Variants in PPP1R9A observed in about 807,000 individuals in gnomAD.
PPP1R9A encodes neurabin-1.
A neutral mutation model predicts 141.9 loss-of-function variants in PPP1R9A; 59 were observed. The ratio of observed to expected loss-of-function variants is 0.42; its 90% CI spans 0.34 to 0.52. The LOEUF is 0.52. PPP1R9A is among the 20% of genes least tolerant of loss of function. PPP1R9A has a pLI of 0.10. For missense variants in PPP1R9A, 1,444 were observed against 1,611.9 expected (o/e 0.90, Z 1.78); for synonymous variants, 500 against 569.7 (o/e 0.88, Z 1.74).
intron 2 of PPP1R9A, among the ~76,000 whole-genome samples, chr7:95,002,956 A>G (rs1803141652): frequency 6.6e-6 from 1 of 152,164 alleles, no homozygotes; most frequent in Non-Finnish European, 1.5e-5. Flanking sequence ...GGATGTGAGT[A>G]TGGGAATCTG....
At chr7:95,059,677 G>A (rs1811962048) in intron 2 of PPP1R9A, among the ~76,000 whole-genome samples, 1 of 152,152 alleles carries the variant, frequency 6.6e-6, no homozygotes, top group African/African-American at 2.4e-5. Flanking sequence ...ATAACAGAAT[G>A]TATGTATGCT....
At chr7:95,275,349 A>T (rs925038642) in intron 16 of PPP1R9A, among the ~76,000 whole-genome samples, 2 of 148,994 alleles carry the variant, frequency 1.3e-5, no homozygotes, top group African/African-American at 4.9e-5. Flanking sequence ...CGGAGGTTTG[A>T]GTGAGCCAAG....
At chr7:95,120,671 C>T in intron 3 of PPP1R9A, 41 bp from the exon 4 acceptor site, 2 of 1,602,276 alleles carry the variant, frequency 1.2e-6, no homozygotes, top group Non-Finnish European at 1.7e-6. Flanking sequence ...TAGTGTAAAA[C>T]TTAAGTTGTT....
intron 2 of PPP1R9A, among the ~76,000 whole-genome samples, chr7:94,936,981 A>G (rs915219040): frequency 2.0e-5 from 3 of 151,998 alleles, no homozygotes; most frequent in African/African-American, 2.4e-5. Flanking sequence ...GCTTTTTTCA[A>G]TTGGTAGTAT....
At chr7:95,080,524 T>C (rs1470373997) in intron 2 of PPP1R9A, among the ~76,000 whole-genome samples, 1 of 152,048 alleles carries the variant, frequency 6.6e-6, no homozygotes, top group African/African-American at 2.4e-5. Context: ...CCAAGGTAAT[T>C]TATAGATTCA....
chr7:95,261,455 C>G (rs1800413862), intron 12 of PPP1R9A, among the ~76,000 whole-genome samples: 1 of 151,758 alleles, frequency 6.6e-6, no homozygotes, highest in Admixed American at 6.6e-5. Flanking sequence ...TACAAGGAAA[C>G]TAAAGAAACA....
intron 8 of PPP1R9A, among the ~76,000 whole-genome samples, chr7:95,241,623 A>G (rs536809970): frequency 7.9e-5 from 12 of 152,166 alleles, no homozygotes; most frequent in Non-Finnish European, 1.3e-4. Context: ...TGACTGTCCA[A>G]TTTCTCCCTT....
chr7:95,276,806 AAAAAT>A (rs1303879217), intron 16 of PPP1R9A, among the ~76,000 whole-genome samples: 1 of 152,224 alleles, frequency 6.6e-6, no homozygotes, highest in Non-Finnish European at 1.5e-5. Flanking sequence ...TTGCAAGAAA[AAAAAT>A]TTTGAGCTGC....
chr7:95,224,716 A>G (rs910548839), intron 7 of PPP1R9A, among the ~76,000 whole-genome samples: 3 of 151,890 alleles, frequency 2.0e-5, no homozygotes, highest in Non-Finnish European at 4.4e-5. Context: ...AGGTGGGGGG[A>G]AAGGGGAAGT....
Position 95,288,450 on chromosome 7 carries a change from A to G in PPP1R9A, c.3730-86A>G, listed in dbSNP as rs1034185015. ...TGGTTTAAACATAAATGTGGCTCTC[A>G]TAGGTTAAGAAATTCCTTTTGATAG... On this transcript the variant is annotated intron_variant, in intron 18 of 19. Transcript: ENST00000433360. 3 of 1,515,380 alleles carry G rather than the reference A, an allele frequency of 2.0e-6. No homozygotes were observed. In the African/African-American group the frequency reaches 4.2e-5, roughly 21 times the overall value. 93.9% of individuals were successfully genotyped at this position (1,515,380 alleles called of 1,614,324 possible). A position where few individuals can be genotyped will look rare whatever the true frequency, so the allele number is the denominator to read the frequency against.
chr7:95,076,212 G>C (rs763714512), intron 2 of PPP1R9A, among the ~76,000 whole-genome samples: 8 of 152,102 alleles, frequency 5.3e-5, no homozygotes, highest in Non-Finnish European at 1.2e-4. Flanking sequence ...CTATGTCCTA[G>C]TTTTAGACAG....
chr7:94,945,878 C>A (rs1029979415), intron 2 of PPP1R9A, among the ~76,000 whole-genome samples: 7 of 151,878 alleles, frequency 4.6e-5, no homozygotes, highest in African/African-American at 1.7e-4. Flanking sequence ...TTTTAATATA[C>A]TTTACTAGAT....
intron 2 of PPP1R9A, among the ~76,000 whole-genome samples, chr7:94,938,292 A>C (rs2150918327): frequency 6.6e-6 from 1 of 152,194 alleles, no homozygotes; most frequent in Middle Eastern, 3.4e-3. Flanking sequence ...CTGCCCCTGA[A>C]TTTTTTGTGG....
rs1358797368 is a variant in PPP1R9A, at chr7:95,293,142, G to A, written c.*2839G>A. On this transcript the variant is annotated 3_prime_UTR_variant, in exon 20 of 20. Transcript: ENST00000433360. ...ATGCTTTGTTGGGAGGGAATGTGTG[G>A]TGAGGAGGCCAAGCTGCAGACAGAA... 1 of 152,200 alleles carries A rather than the reference G, an allele frequency of 6.6e-6. No homozygotes were observed. The highest frequency in any genetic ancestry group is 1.5e-5 in the Non-Finnish European group (1 of 68,062). The allele number at this position is 152,200 out of a possible 1,614,324, so 9.4% of individuals were successfully genotyped here. A position where few individuals can be genotyped will look rare whatever the true frequency, so the allele number is the denominator to read the frequency against.
At chr7:94,956,287 T>C (rs931091828) in intron 2 of PPP1R9A, among the ~76,000 whole-genome samples, 4 of 152,102 alleles carry the variant, frequency 2.6e-5, no homozygotes, top group African/African-American at 9.7e-5. Context: ...ACATATTGAG[T>C]GTTAATATTC....
At chr7:95,041,950 T>G (rs1329465279) in intron 2 of PPP1R9A, among the ~76,000 whole-genome samples, 2 of 152,142 alleles carry the variant, frequency 1.3e-5, no homozygotes, top group Admixed American at 1.3e-4. Flanking sequence ...CTTTATTTAA[T>G]CAGAGGTCAA....
rs560420208 is a variant in PPP1R9A, at chr7:95,109,358, G to C, written c.1396-1901G>C. 4.6e-5 allele frequency among the ~76,000 whole-genome samples: 7 copies of C among 152,238 alleles called. No homozygotes were observed. In the South Asian group the frequency reaches 1.5e-3, roughly 32 times the overall value. On this transcript the variant is annotated intron_variant, in intron 2 of 19. Transcript: ENST00000433360. ...TTTGTAGGTGCTTATTTTGATTTCTGTGTCCTTCCTAAACTGTAAGCTACT... is the reference window on the plus strand; with the variant it reads ...TTTGTAGGTGCTTATTTTGATTTCTCTGTCCTTCCTAAACTGTAAGCTACT...
chr7:95,170,751 A>G (rs908198953), intron 5 of PPP1R9A, among the ~76,000 whole-genome samples: 4 of 151,544 alleles, frequency 2.6e-5, no homozygotes, highest in African/African-American at 9.7e-5. Context: ...TAAATAATAT[A>G]AAACGAAATT....
At chr7:95,237,900 A>G (rs1302156901) in intron 8 of PPP1R9A, among the ~76,000 whole-genome samples, 1 of 151,974 alleles carries the variant, frequency 6.6e-6, no homozygotes, top group Non-Finnish European at 1.5e-5. Context: ...TTCATATTTT[A>G]CAATGTCCAT....
Sources: allele counts gnomAD v4.1 joint callset (sites outside exome capture counted in the v4.1 genomes callset), GRCh38; gene constraint gnomAD v4.1.1; transcripts MANE v1.5; gene names NCBI Gene and HGNC (gene_info 2026-07-23, HGNC 2026-07-21).